Variants in CNTN4 observed in about 807,000 individuals in gnomAD.
CNTN4 encodes contactin-4.
CNTN4 carries 77 observed loss-of-function variants against 122.5 expected under a neutral mutation model. The observed-to-expected ratio is 0.63, with a 90% CI of 0.52 to 0.76. The LOEUF is 0.76. Ranked by LOEUF, CNTN4 falls within the 30% of genes least tolerant of loss-of-function variation. The pLI is 0.00. For synonymous variants in CNTN4, 512 were observed against 447.0 expected (o/e 1.15, Z -1.83); for missense variants, 1,256 against 1,259.1 (o/e 1.00, Z 0.04).
intron 2 of CNTN4, among the ~76,000 whole-genome samples, chr3:2,306,407 GCATCTTT>G (rs935682149): frequency 4.6e-5 from 7 of 152,106 alleles, no homozygotes; most frequent in African/African-American, 1.7e-4. Context: ...AATGATTTGA[GCATCTTT>G]CATGTACTTG....
At chr3:2,629,176 A>T (rs963852965) in intron 4 of CNTN4, among the ~76,000 whole-genome samples, 1 of 152,136 alleles carries the variant, frequency 6.6e-6, no homozygotes, top group South Asian at 2.1e-4. Context: ...CTTTATAATA[A>T]GGGGAAGGAA....
At chr3:2,369,600 A>T (rs78133081) in intron 3 of CNTN4, among the ~76,000 whole-genome samples, 17,586 of 152,128 alleles carry the variant, frequency 0.12, 1,269 homozygotes, top group Non-Finnish European at 0.16. Flanking sequence ...TAATGGCTTT[A>T]TCATCAGGAT....
intron 3 of CNTN4, among the ~76,000 whole-genome samples, chr3:2,535,297 CT>C (rs2077758168): frequency 6.6e-6 from 1 of 152,110 alleles, no homozygotes; most frequent in Admixed American, 6.6e-5. Context: ...AAAGCTATGA[CT>C]TTCTGATGCA....
intron 6 of CNTN4, among the ~76,000 whole-genome samples, chr3:2,749,581 T>C (rs527670662): frequency 1.3e-4 from 20 of 152,310 alleles, no homozygotes; most frequent in African/African-American, 4.1e-4. Context: ...TGTCCATCCT[T>C]TTATTTCCTA....
intron 2 of CNTN4, among the ~76,000 whole-genome samples, chr3:2,135,397 T>C (rs1370440826): frequency 6.6e-6 from 1 of 152,204 alleles, no homozygotes; most frequent in Non-Finnish European, 1.5e-5. Context: ...ACATCAGCTT[T>C]AAGATAGTAA....
chr3:2,764,261 T>C (rs545471438), intron 6 of CNTN4, among the ~76,000 whole-genome samples: 87 of 152,200 alleles, frequency 5.7e-4, no homozygotes, highest in African/African-American at 2.0e-3. Context: ...GCTAAGAAAA[T>C]GGTAGTGGTT....
intron 2 of CNTN4, among the ~76,000 whole-genome samples, chr3:2,326,085 C>T (rs1223515166): frequency 6.6e-6 from 1 of 152,118 alleles, no homozygotes; most frequent in African/African-American, 2.4e-5. Context: ...GAGGATGTTT[C>T]TGGATGAAAT....
intron 4 of CNTN4, among the ~76,000 whole-genome samples, chr3:2,683,910 G>C (rs2085296583): frequency 1.3e-5 from 2 of 152,106 alleles, no homozygotes; most frequent in Admixed American, 1.3e-4. Flanking sequence ...AAGAGTCTCT[G>C]GGGACAGGTC....
At chr3:2,833,788 T>C (rs184010571) in intron 7 of CNTN4, among the ~76,000 whole-genome samples, 3 of 152,332 alleles carry the variant, frequency 2.0e-5, no homozygotes, top group African/African-American at 7.2e-5. Flanking sequence ...ATATGACCTG[T>C]ACTCCTAGTA....
intron 3 of CNTN4, among the ~76,000 whole-genome samples, chr3:2,558,791 G>C (rs532350916): frequency 2.6e-5 from 4 of 152,230 alleles, no homozygotes; most frequent in African/African-American, 9.6e-5. Context: ...CTCAACCAGT[G>C]TAGTAAGAAT....
chr3:2,705,258 C>A (rs1047153762), intron 4 of CNTN4, among the ~76,000 whole-genome samples: 2 of 147,544 alleles, frequency 1.4e-5, no homozygotes, highest in Admixed American at 6.9e-5. Context: ...GTCCCAGCTA[C>A]TCGGGAAGCT....
At chr3:2,102,280 C>G (rs1036843633) in intron 2 of CNTN4, among the ~76,000 whole-genome samples, 9 of 152,296 alleles carry the variant, frequency 5.9e-5, no homozygotes, top group Admixed American at 2.0e-4. Flanking sequence ...GAATCTAAGT[C>G]TGGCACCATC....
chr3:2,629,439 T>G, intron 4 of CNTN4: 1 of 366,430 alleles, frequency 2.7e-6, no homozygotes, highest in South Asian at 2.0e-5. Context: ...TATTCAATTT[T>G]CCCAAGTCCG....
intron 2 of CNTN4, among the ~76,000 whole-genome samples, chr3:2,300,819 T>C (rs2042486217): frequency 6.6e-6 from 1 of 152,110 alleles, no homozygotes; most frequent in South Asian, 2.1e-4. Context: ...TCCACCCACC[T>C]CGGCCTCCCA....
chr3:2,798,678 T>G (rs1008490502), intron 6 of CNTN4, among the ~76,000 whole-genome samples: 5 of 152,118 alleles, frequency 3.3e-5, no homozygotes, highest in African/African-American at 1.2e-4. Flanking sequence ...CTTGGCTGTT[T>G]TTTTGTATTT....
Position 2,528,240 on chromosome 3 carries a change from C to A in CNTN4, c.-88-43176C>A, listed in dbSNP as rs1269357045. On this transcript the variant is annotated intron_variant, in intron 3 of 24. Coordinates refer to ENST00000418658, the MANE Select transcript of CNTN4 (RefSeq NM_175607.3). ...CCCCATGGATGTTGTAGTCTTGATTCTTTGTTGTATTTCAGAAAGGAAACC... is the reference window on the plus strand; with the variant it reads ...CCCCATGGATGTTGTAGTCTTGATTATTTGTTGTATTTCAGAAAGGAAACC... Among the ~76,000 whole-genome samples, 3 of 151,946 alleles carry A rather than the reference C, an allele frequency of 2.0e-5. No individual in the cohort carries two copies. The East Asian group carries it at 5.8e-4, about 29-fold the overall frequency.
intron 3 of CNTN4, among the ~76,000 whole-genome samples, chr3:2,396,512 C>G (rs1488686515): frequency 6.6e-6 from 1 of 152,158 alleles, no homozygotes. Flanking sequence ...GTACTTTGCT[C>G]TGGACATCCT....
intron 4 of CNTN4, among the ~76,000 whole-genome samples, chr3:2,680,774 A>G (rs2085122643): frequency 6.6e-6 from 1 of 152,162 alleles, no homozygotes; most frequent in Admixed American, 6.5e-5. Flanking sequence ...TCTCAATATA[A>G]AGTTGGATAC....
At chr3:2,529,445 T>C (rs2077516050) in intron 3 of CNTN4, among the ~76,000 whole-genome samples, 1 of 152,184 alleles carries the variant, frequency 6.6e-6, no homozygotes, top group South Asian at 2.1e-4. Context: ...TAATACTGAT[T>C]TACTTTCCTT....
Sources: allele counts gnomAD v4.1 joint callset (sites outside exome capture counted in the v4.1 genomes callset), GRCh38; gene constraint gnomAD v4.1.1; transcripts MANE v1.5; gene names NCBI Gene and HGNC (gene_info 2026-07-23, HGNC 2026-07-21).